Variants in CRBN observed in about 807,000 individuals in gnomAD.
The protein encoded by CRBN is cereblon.
CRBN carries 53 observed loss-of-function variants against 62.2 expected under a neutral mutation model. That is an observed-to-expected ratio of 0.85 (90% CI 0.68 to 1.07). CRBN has a LOEUF of 1.07. Among genes scored for constraint, CRBN ranks in the 50% least tolerant of loss-of-function variants. The pLI is 0.00. For synonymous variants in CRBN, 208 were observed against 176.1 expected, an observed-to-expected ratio of 1.18 and a Z score of -1.43; for missense variants, 616 against 531.1, an observed-to-expected ratio of 1.16 and a Z score of -1.57.
At chr3:3,149,660 GTAAAAGTAGACC>G (rs1706344477), downstream of CRBN, 1 of 151,386 alleles carries the variant, frequency 6.6e-6, no homozygotes, top group African/African-American at 2.4e-5. Flanking sequence ...TATTAAAGTA[GTAAAAGTAGACC>G]TTAGAAAAAA....
At chr3:3,178,870 T>C (rs372554192) in intron 1 of CRBN, among the ~76,000 whole-genome samples, 6 of 152,182 alleles carry the variant, frequency 3.9e-5, no homozygotes, top group African/African-American at 9.6e-5. Context: ...ATGAAAAGTT[T>C]ATGCAATATT....
rs769962148 is a variant in CRBN, at chr3:3,174,156, C to T, written c.280G>A (p.Gly94Arg). The change falls in exon 3 of 11, where the codon GGA (glycine) becomes AGA (arginine). Residue 94 changes from glycine (G) to arginine (R), a missense_variant. By Grantham distance (125) the Gly-to-Arg change is moderately radical. Coordinates refer to ENST00000231948, the MANE Select transcript of CRBN (RefSeq NM_016302.4). ...AAAAGCTGAAGAGGTAATGTCTGTC[C>T]GGGAATCAGGATCATCATCACTTGT... ...LPQVMMILIP[G>R]QTLPLQLFHP... is the part of the protein sequence containing the mutation. The T allele has an allele frequency of 4.3e-6, 7 of 1,614,052 alleles. No homozygotes were observed. Among genetic ancestry groups the T allele is most frequent in the Non-Finnish European group, 5.9e-6 (7 of 1,179,966 alleles).
Position 3,152,482 on chromosome 3 carries a change from A to G in CRBN, c.1122T>C (p.Pro374=), listed in dbSNP as rs926054619. The change falls in exon 10 of 11, where the codon CCT becomes CCC. Residue 374 remains proline, a synonymous_variant. Coordinates refer to ENST00000231948, the MANE Select transcript of CRBN (RefSeq NM_016302.4). ...KACNLNLIGR[P]STEHSWFPGY... ...CAGGAAACCAGCTGTGTTCTGTAGA[A>G]GGCCGGCCTATCAGATTCAAGTTGC... 6.2e-7 allele frequency: 1 copy of G among 1,614,068 alleles called. No homozygotes were observed.
Position 3,153,683 on chromosome 3 carries a change from A to G in CRBN, c.952-195T>C. 1.1e-5 allele frequency: 7 copies of G among 621,030 alleles called. No individual in the cohort carries two copies. The South Asian group carries it at 1.4e-4, about 12-fold the overall frequency. 38.5% of individuals were successfully genotyped at this position (621,030 alleles called of 1,614,324 possible). A position where few individuals can be genotyped will look rare whatever the true frequency, so the allele number is the denominator to read the frequency against. ...TGAAACTGAGATCTGCCACATATTTACATAAAACTAAATGACCTTCTCTAG... is the reference window on the plus strand; with the variant it reads ...TGAAACTGAGATCTGCCACATATTTGCATAAAACTAAATGACCTTCTCTAG... On this transcript the variant is annotated intron_variant, in intron 8 of 10. Transcript: ENST00000231948.
intron 4 of CRBN, chr3:3,172,367 C>G (rs188060057): frequency 9.8e-6 from 2 of 203,082 alleles, no homozygotes; most frequent in Non-Finnish European, 2.0e-5. Flanking sequence ...GGTGAGCACA[C>G]GAACAGCTCA....
chr3:3,174,007 G>T, intron 3 of CRBN, 52 bp downstream of exon 3: 1 of 1,457,766 alleles, frequency 6.9e-7, no homozygotes. Flanking sequence ...ACTGACCACT[G>T]CAATTACCCA....
At chr3:3,172,563 A>G (rs1575099172) in intron 4 of CRBN, 2 of 577,502 alleles carry the variant, frequency 3.5e-6, no homozygotes, top group Non-Finnish European at 6.1e-6. Flanking sequence ...ATGGGAGATG[A>G]GGTTGGAACT....
chr3:3,173,007 G>A (rs1393848613), intron 3 of CRBN, 82 bp from the exon 4 acceptor site: 1 of 999,062 alleles, frequency 1.0e-6, no homozygotes, highest in South Asian at 1.3e-5. Flanking sequence ...AATAAATACA[G>A]GTAAACAATT....
At chr3:3,157,740 A>G (rs1188024900) in intron 5 of CRBN, among the ~76,000 whole-genome samples, 2 of 152,094 alleles carry the variant, frequency 1.3e-5, no homozygotes, top group Non-Finnish European at 2.9e-5. Flanking sequence ...CTTCCCCGCC[A>G]CTCCAATCCT....
At chr3:3,153,807 A>T in intron 8 of CRBN, 153 bp downstream of exon 8, 1 of 666,014 alleles carries the variant, frequency 1.5e-6, no homozygotes, top group Non-Finnish European at 2.7e-6. Context: ...ACAAACACAA[A>T]ACAATGAGTT....
chr3:3,156,632 A>C, intron 5 of CRBN: 1 of 268,996 alleles, frequency 3.7e-6, no homozygotes, highest in South Asian at 4.8e-5. Context: ...CCAGTATCTG[A>C]AGTGAAAACC....
chr3:3,177,280 T>C (rs1707863693), intron 1 of CRBN, among the ~76,000 whole-genome samples: 1 of 152,246 alleles, frequency 6.6e-6, no homozygotes, highest in Non-Finnish European at 1.5e-5. Context: ...TTTGTTTTCC[T>C]TTGCATATCA....
At chr3:3,173,399 G>C (rs1209555207) in intron 3 of CRBN, among the ~76,000 whole-genome samples, 1 of 152,050 alleles carries the variant, frequency 6.6e-6, no homozygotes, top group East Asian at 1.9e-4. Context: ...TATACAAGAA[G>C]GACTCAGGAA....
rs1706651913 is a variant in CRBN, at chr3:3,152,590, A to G, written c.1017-3T>C. ...CCATCGGCCCACATAAGGATAAACT[A>G]AAACAAAGAATCAACATGGAGAACA... On this transcript the variant is annotated splice_polypyrimidine_tract_variant and splice_region_variant and intron_variant, in intron 9 of 10. Transcript: ENST00000231948. The G allele has an allele frequency of 6.2e-6, 10 of 1,614,104 alleles. No homozygotes were observed. The highest frequency in any genetic ancestry group is 8.5e-6 in the Non-Finnish European group (10 of 1,179,978).
chr3:3,158,230 A>G (rs1046013164), intron 5 of CRBN, among the ~76,000 whole-genome samples: 3 of 152,182 alleles, frequency 2.0e-5, no homozygotes, highest in African/African-American at 7.2e-5. Flanking sequence ...CGCAGTTCAC[A>G]ATAGGGTTTG....
At chr3:3,161,157 C>CA (rs2126059968) in intron 5 of CRBN, among the ~76,000 whole-genome samples, 1 of 152,086 alleles carries the variant, frequency 6.6e-6, no homozygotes, top group African/African-American at 2.4e-5. Flanking sequence ...CACACCACAC[C>CA]AAAAACAAAA....
chr3:3,154,831 C>T lies in CRBN; in HGVS notation c.751G>A (p.Glu251Lys). 6.4e-7 allele frequency: 1 copy of T among 1,568,218 alleles called. No homozygotes were observed. Among genetic ancestry groups the T allele is most frequent in the East Asian group, 2.2e-5 (1 of 44,640 alleles). ...PRWLYSLYDA[E>K]TLMDRIKKQL... Reference sequence around the variant, plus strand: ...TTCTTGATTCTGTCCATTAAGGTCTCCTTGTTTAAAATAAAGGTAGCCATA... The same window carrying T: ...TTCTTGATTCTGTCCATTAAGGTCTTCTTGTTTAAAATAAAGGTAGCCATA... Residue 251 changes from glutamate (E) to lysine (K), a missense_variant and splice_region_variant, in exon 7 of 11, where the codon GAG (glutamate) becomes AAG (lysine). Physicochemically the swap from Glu to Lys is moderately conservative, Grantham distance 56. Coordinates refer to ENST00000231948, the MANE Select transcript of CRBN (RefSeq NM_016302.4).
intron 4 of CRBN, among the ~76,000 whole-genome samples, chr3:3,169,828 T>A (rs1245635443): frequency 3.9e-5 from 6 of 152,084 alleles, no homozygotes; most frequent in Non-Finnish European, 8.8e-5. Flanking sequence ...ATCAATCCCC[T>A]CCTCCTCTCT....
In CRBN at chr3:3,160,632, T is replaced by C. The variant is rs991455107; in HGVS notation, c.688-4351A>G. ...AAAAATAGTCAATAAATGTTACTGT[T>C]CTTACGATTATTATCCTGGAACAAG... On this transcript the variant is annotated intron_variant, in intron 5 of 10. Coordinates refer to ENST00000231948, the MANE Select transcript of CRBN (RefSeq NM_016302.4). Among the ~76,000 whole-genome samples the C allele has an allele frequency of 3.9e-5, 6 of 152,318 alleles. 1 individual carries two copies. Among genetic ancestry groups the C allele is most frequent in the Admixed American group, 3.3e-4 (5 of 15,302 alleles).
Sources: allele counts gnomAD v4.1 joint callset (sites outside exome capture counted in the v4.1 genomes callset), GRCh38; gene constraint gnomAD v4.1.1; transcripts MANE v1.5; gene names NCBI Gene and HGNC (gene_info 2026-07-23, HGNC 2026-07-21).